The following RNGTT variants were observed in gnomAD, a reference collection of about 807,000 sequenced individuals.
The protein encoded by RNGTT is RNA guanylyltransferase and 5'-phosphatase.
A neutral mutation model predicts 79.3 loss-of-function variants in RNGTT; 33 were observed. The ratio of observed to expected loss-of-function variants is 0.42; its 90% CI spans 0.32 to 0.56. The LOEUF is 0.56. RNGTT is among the 20% of genes least tolerant of loss of function. The pLI is 0.17. For missense variants in RNGTT, 497 were observed against 739.1 expected, an observed-to-expected ratio of 0.67 and a Z score of 3.80; for synonymous variants, 222 against 235.9, an observed-to-expected ratio of 0.94 and a Z score of 0.54.
intron 8 of RNGTT, among the ~76,000 whole-genome samples, chr6:88,873,161 A>C (rs1053501337): frequency 2.0e-5 from 3 of 152,210 alleles, no homozygotes; most frequent in African/African-American, 7.2e-5. Flanking sequence ...ATCATAAAGC[A>C]AAGGTCAGAA....
chr6:88,696,170 T>G (rs1403654245), intron 13 of RNGTT, among the ~76,000 whole-genome samples: 3 of 152,180 alleles, frequency 2.0e-5, no homozygotes, highest in Non-Finnish European at 4.4e-5. Flanking sequence ...CACAAAAAAG[T>G]GTAATTATGT....
intron 13 of RNGTT, among the ~76,000 whole-genome samples, chr6:88,704,710 T>A (rs890744766): frequency 6.6e-5 from 10 of 152,142 alleles, no homozygotes; most frequent in African/African-American, 2.2e-4. Flanking sequence ...AAAAGCTCTA[T>A]CCAACCTCTT....
At chr6:88,872,440 AAATG>A (rs1473221938) in intron 8 of RNGTT, among the ~76,000 whole-genome samples, 1 of 152,194 alleles carries the variant, frequency 6.6e-6, no homozygotes, top group Non-Finnish European at 1.5e-5. Context: ...AAAAAAGAAT[AAATG>A]AATAAGACCT....
intron 12 of RNGTT, 30 bp downstream of exon 12, chr6:88,801,530 AAACG>A: frequency 6.4e-7 from 1 of 1,553,438 alleles, no homozygotes; most frequent in Non-Finnish European, 8.9e-7. Context: ...ACAAACACAC[AAACG>A]AACACACACA....
intron 13 of RNGTT, among the ~76,000 whole-genome samples, chr6:88,687,003 C>T (rs1156879226): frequency 6.6e-6 from 1 of 151,288 alleles, no homozygotes; most frequent in Non-Finnish European, 1.5e-5. Flanking sequence ...GGCAAAAAAA[C>T]ACCATAAACA....
chr6:88,875,600 A>C (rs930550547), intron 8 of RNGTT, among the ~76,000 whole-genome samples: 1 of 152,168 alleles, frequency 6.6e-6, no homozygotes, highest in Admixed American at 6.5e-5. Flanking sequence ...ACTTACAATA[A>C]CTGTGTCTGT....
rs1296716851 is a variant in RNGTT at position 88,698,178 on chromosome 6, GAT to G, written c.1440-19761_1440-19760del. On this transcript the variant is annotated intron_variant, in intron 13 of 15. Transcript: ENST00000369485. ...CATATGATATATATGACATATATATGATATATATATGAAATATATATGATATA... is the reference window on the plus strand; with the variant it reads ...CATATGATATATATGACATATATATGATATATATGAAATATATATGATATA... Among the ~76,000 whole-genome samples, 28 of 90,454 alleles carry G rather than the reference GAT, an allele frequency of 3.1e-4. 2 individuals are homozygous for G. Among genetic ancestry groups the G allele is most frequent in the East Asian group, 1.1e-3 (4 of 3,504 alleles). The allele number at this position is 90,454 out of a possible 152,430, so 59.3% of individuals were successfully genotyped here.
intron 13 of RNGTT, among the ~76,000 whole-genome samples, chr6:88,735,633 A>G (rs574802977): frequency 6.6e-6 from 1 of 151,894 alleles, no homozygotes; most frequent in Non-Finnish European, 1.5e-5. Flanking sequence ...AATATTTTGA[A>G]CTAAATTAAA....
At chr6:88,707,627 G>A (rs1436847577) in intron 13 of RNGTT, among the ~76,000 whole-genome samples, 1 of 151,232 alleles carries the variant, frequency 6.6e-6, no homozygotes, top group Non-Finnish European at 1.5e-5. Flanking sequence ...CTGTTTCCCT[G>A]CCTGAAACTC....
intron 13 of RNGTT, among the ~76,000 whole-genome samples, chr6:88,698,741 C>T (rs1034784453): frequency 1.3e-5 from 2 of 151,952 alleles, no homozygotes; most frequent in African/African-American, 4.8e-5. Context: ...TTATAAATAA[C>T]TACACTTATC....
chr6:88,778,847 T>C lies in RNGTT; in HGVS notation c.1339-8973A>G, dbSNP rs562502738. 1.7e-3 allele frequency among the ~76,000 whole-genome samples: 264 copies of C among 152,312 alleles called. 1 individual carries two copies. The highest frequency in any genetic ancestry group is 3.4e-3 in the Admixed American group (52 of 15,286). ...AGAAAATAATGCACATTATTTTCCC[T>C]CAAGTTTTGTATTGAAGCATGAGTA... On this transcript the variant is annotated intron_variant, in intron 12 of 15. Coordinates refer to ENST00000369485, the MANE Select transcript of RNGTT (RefSeq NM_003800.5).
chr6:88,758,788 T>G (rs1778106709), intron 13 of RNGTT, among the ~76,000 whole-genome samples: 1 of 152,216 alleles, frequency 6.6e-6, no homozygotes. Context: ...AGAAAGACAT[T>G]TACAACCATG....
At chr6:88,786,034 G>C (rs916462210) in intron 12 of RNGTT, among the ~76,000 whole-genome samples, 1 of 151,968 alleles carries the variant, frequency 6.6e-6, no homozygotes, top group African/African-American at 2.4e-5. Context: ...AAACAATTAT[G>C]TTTTACTAAC....
At chr6:88,698,460 C>G (rs890565066) in intron 13 of RNGTT, among the ~76,000 whole-genome samples, 1 of 150,706 alleles carries the variant, frequency 6.6e-6, no homozygotes, top group Non-Finnish European at 1.5e-5. Context: ...GTTTAACAGA[C>G]AGTACTTACC....
chr6:88,868,064 G>A (rs1234168428), intron 8 of RNGTT, among the ~76,000 whole-genome samples: 2 of 151,648 alleles, frequency 1.3e-5, no homozygotes, highest in African/African-American at 4.9e-5. Context: ...CACTGCCACA[G>A]CAACTATTCC....
At chr6:88,826,824 G>GTGTATATA (rs1371450082) in intron 11 of RNGTT, among the ~76,000 whole-genome samples, 8 of 129,214 alleles carry the variant, frequency 6.2e-5, no homozygotes, top group African/African-American at 2.1e-4. Flanking sequence ...ATATGTGTGT[G>GTGTATATA]TATATATATA....
chr6:88,630,690 G>C (rs1036009960), intron 14 of RNGTT, among the ~76,000 whole-genome samples: 3 of 151,760 alleles, frequency 2.0e-5, no homozygotes, highest in Non-Finnish European at 4.4e-5. Context: ...GGTGGGGAGG[G>C]GGTGACAGAA....
At chr6:88,760,265 CTG>C (rs1778167142) in intron 13 of RNGTT, among the ~76,000 whole-genome samples, 1 of 152,102 alleles carries the variant, frequency 6.6e-6, no homozygotes, top group Non-Finnish European at 1.5e-5. Flanking sequence ...AGATTTTCTG[CTG>C]AATGCAGGAA....
At chr6:88,889,757 T>C (rs1207974414) in intron 8 of RNGTT, among the ~76,000 whole-genome samples, 1 of 152,116 alleles carries the variant, frequency 6.6e-6, no homozygotes, top group Non-Finnish European at 1.5e-5. Context: ...TACTAATATC[T>C]TGACCAGCCT....
Sources: allele counts gnomAD v4.1 joint callset (sites outside exome capture counted in the v4.1 genomes callset), GRCh38; gene constraint gnomAD v4.1.1; transcripts MANE v1.5; gene names NCBI Gene and HGNC (gene_info 2026-07-23, HGNC 2026-07-21).